The following THSD7A variants were observed in gnomAD, a reference collection of about 807,000 sequenced individuals.
THSD7A encodes thrombospondin type-1 domain-containing protein 7A.
THSD7A carries 96 observed loss-of-function variants against 231.3 expected under a neutral mutation model. That is an observed-to-expected ratio of 0.41 (90% CI 0.35 to 0.49). THSD7A has a LOEUF of 0.49. Among genes scored for constraint, THSD7A ranks in the 20% least tolerant of loss-of-function variants. The pLI, the probability that THSD7A is intolerant of heterozygous loss-of-function variation, is 0.05. For missense variants in THSD7A, 2,290 were observed against 2,070.2 expected, an observed-to-expected ratio of 1.11 and a Z score of -2.06; for synonymous variants, 940 against 743.3, an observed-to-expected ratio of 1.26 and a Z score of -4.30.
In THSD7A at chr7:11,503,413, T is replaced by C. The variant is rs192322440; in HGVS notation, c.1823-21431A>G. Among the ~76,000 whole-genome samples the C allele has an allele frequency of 2.8e-3, 432 of 152,296 alleles. 1 individual carries two copies. Among genetic ancestry groups the C allele is most frequent in the Non-Finnish European group, 2.5e-3 (167 of 68,016 alleles). On this transcript the variant is annotated intron_variant, in intron 6 of 27. Transcript: ENST00000423059. ...GACACAGGAATGGGCAAAGATTTCA[T>C]GACAATGATGTCAATTTTCACAACA...
intron 2 of THSD7A, among the ~76,000 whole-genome samples, chr7:11,623,354 G>T (rs1003272364): frequency 6.6e-6 from 1 of 152,070 alleles, no homozygotes; most frequent in Non-Finnish European, 1.5e-5. Context: ...GACCCTGGGG[G>T]TGAGTGCCTC....
intron 6 of THSD7A, among the ~76,000 whole-genome samples, chr7:11,524,928 T>C (rs939080550): frequency 2.0e-5 from 3 of 152,256 alleles, no homozygotes; most frequent in Admixed American, 1.3e-4. Context: ...AATTATGGGA[T>C]CATTTTCAAA....
intron 2 of THSD7A, among the ~76,000 whole-genome samples, chr7:11,629,057 G>A (rs944278710): frequency 4.6e-5 from 7 of 152,188 alleles, no homozygotes; most frequent in African/African-American, 1.7e-4. Flanking sequence ...AGGACTGCTG[G>A]ATACAGGCAG....
intron 1 of THSD7A, among the ~76,000 whole-genome samples, chr7:11,825,206 T>C (rs1418944716): frequency 1.3e-5 from 2 of 152,138 alleles, no homozygotes; most frequent in African/African-American, 4.8e-5. Flanking sequence ...GTCTGCAGCA[T>C]TTAGGTCACG....
chr7:11,542,191 T>C (rs1271740339), intron 5 of THSD7A, among the ~76,000 whole-genome samples: 1 of 152,204 alleles, frequency 6.6e-6, no homozygotes, highest in Non-Finnish European at 1.5e-5. Context: ...ATTAGGAACA[T>C]AAGCCATGTG....
chr7:11,670,410 T>C (rs1014546518), intron 1 of THSD7A, among the ~76,000 whole-genome samples: 1 of 152,230 alleles, frequency 6.6e-6, no homozygotes, highest in African/African-American at 2.4e-5. Flanking sequence ...TCACACAATC[T>C]GGTTGGAGCC....
chr7:11,462,341 A>G (rs1353404277), intron 9 of THSD7A, among the ~76,000 whole-genome samples, 198 bp from the exon 10 acceptor site: 1 of 152,208 alleles, frequency 6.6e-6, no homozygotes, highest in African/African-American at 2.4e-5. Flanking sequence ...ATATTTAAAA[A>G]TAGAGAAAAT....
At chr7:11,412,546 C>T (rs1783820833) in intron 18 of THSD7A, 110 bp downstream of exon 18, 1 of 1,276,390 alleles carries the variant, frequency 7.8e-7, no homozygotes, top group Non-Finnish European at 1.1e-6. Flanking sequence ...AAGTAAGCAG[C>T]ATATCCAAAA....
intron 1 of THSD7A, among the ~76,000 whole-genome samples, chr7:11,736,782 G>A (rs1432248969): frequency 3.3e-5 from 5 of 151,944 alleles, no homozygotes; most frequent in Admixed American, 6.6e-5. Context: ...CTCTTTGAAA[G>A]TACTTGATAT....
rs1252395566 is a variant in THSD7A, at chr7:11,373,946, T to G, written c.*1848A>C. 2 of 151,706 alleles carry G rather than the reference T, an allele frequency of 1.3e-5. No individual in the cohort carries two copies. Among genetic ancestry groups the G allele is most frequent in the African/African-American group, 4.8e-5 (2 of 41,256 alleles). The allele number at this position is 151,706 out of a possible 1,614,324, so 9.4% of individuals were successfully genotyped here. A position where few individuals can be genotyped will look rare whatever the true frequency, so the allele number is the denominator to read the frequency against. On this transcript the variant is annotated 3_prime_UTR_variant, in exon 28 of 28. Transcript: ENST00000423059. ...TGGCACCTTTTGAGTTTTCTTTTCA[T>G]TTGCAAGAAGTCTGCTGAGTTAGTT... is the stretch of plus-strand genomic sequence containing the variant.
chr7:11,768,088 T>C (rs906147885), intron 1 of THSD7A, among the ~76,000 whole-genome samples: 2 of 152,148 alleles, frequency 1.3e-5, no homozygotes, highest in African/African-American at 4.8e-5. Context: ...AAATATCTGA[T>C]AAGTAATGTG....
At chr7:11,396,740 A>G (rs1053607089) in intron 23 of THSD7A, among the ~76,000 whole-genome samples, 1 of 152,206 alleles carries the variant, frequency 6.6e-6, no homozygotes, top group African/African-American at 2.4e-5. Flanking sequence ...AAACTACTCC[A>G]CACAATATAA....
intron 4 of THSD7A, among the ~76,000 whole-genome samples, chr7:11,555,850 T>C (rs1274655359): frequency 6.6e-6 from 1 of 151,800 alleles, no homozygotes; most frequent in African/African-American, 2.4e-5. Flanking sequence ...TCTCTGGTAA[T>C]TTTCTTTGCT....
intron 4 of THSD7A, among the ~76,000 whole-genome samples, chr7:11,573,179 G>C (rs2128335244): frequency 6.6e-6 from 1 of 152,236 alleles, no homozygotes; most frequent in South Asian, 2.1e-4. Flanking sequence ...GCATCACTCA[G>C]CACTGTGCTA....
intron 1 of THSD7A, among the ~76,000 whole-genome samples, chr7:11,683,245 G>T (rs550456226): frequency 6.6e-6 from 1 of 151,928 alleles, no homozygotes; most frequent in South Asian, 2.1e-4. Flanking sequence ...GAAACAACTT[G>T]CTCCTAAATG....
At chr7:11,419,143 A>G (rs1583704242) in intron 16 of THSD7A, among the ~76,000 whole-genome samples, 1 of 152,322 alleles carries the variant, frequency 6.6e-6, no homozygotes, top group Middle Eastern at 3.4e-3. Flanking sequence ...CAGAGTTAAG[A>G]ACAGATATCC....
chr7:11,442,578 T>G (rs1241231543), intron 13 of THSD7A, among the ~76,000 whole-genome samples: 1 of 152,050 alleles, frequency 6.6e-6, no homozygotes, highest in Non-Finnish European at 1.5e-5. Context: ...AGAAAGAAGT[T>G]GTCATAGAGA....
At chr7:11,822,019 T>C (rs969175259) in intron 1 of THSD7A, among the ~76,000 whole-genome samples, 4 of 152,184 alleles carry the variant, frequency 2.6e-5, no homozygotes, top group Non-Finnish European at 5.9e-5. Flanking sequence ...CTCCAAGTAT[T>C]ACCTAGTTTC....
At chr7:11,488,743 G>A (rs6970506) in intron 6 of THSD7A, among the ~76,000 whole-genome samples, 47,130 of 151,682 alleles carry the variant, frequency 0.31, 7,758 homozygotes, top group Admixed American at 0.42. Flanking sequence ...TATATTAGCT[G>A]AAAACCAACT....
Sources: gnomAD v4.1 joint callset for allele counts (sites outside exome capture counted in the v4.1 genomes callset) on GRCh38, gnomAD v4.1.1 for gene constraint, MANE v1.5 for transcripts, NCBI Gene and HGNC (gene_info 2026-07-23, HGNC 2026-07-21) for gene names.